SOX5: variants seen among roughly 807,000 people sequenced by gnomAD.
The protein encoded by SOX5 is transcription factor SOX-5.
A neutral mutation model predicts 92.0 loss-of-function variants in SOX5; 9 were observed. That is an observed-to-expected ratio of 0.10 (90% CI 0.06 to 0.17). The LOEUF (loss-of-function observed/expected upper bound fraction) is 0.17. SOX5 is among the 10% of genes least tolerant of loss of function. The pLI is 1.00. For missense variants in SOX5, 642 were observed against 944.5 expected (o/e 0.68, Z 4.20); for synonymous variants, 344 against 336.3 (o/e 1.02, Z -0.25).
chr12:23,654,909 A>G (rs527402968), intron 7 of SOX5, among the ~76,000 whole-genome samples: 119 of 152,210 alleles, frequency 7.8e-4, no homozygotes, highest in African/African-American at 2.7e-3. Context: ...ATAAGACAAT[A>G]TAAGGTAATT....
At chr12:24,453,639 T>C (rs1234359374) in intron 1 of SOX5, among the ~76,000 whole-genome samples, 1 of 152,222 alleles carries the variant, frequency 6.6e-6, no homozygotes, top group Non-Finnish European at 1.5e-5. Context: ...GAAACAATTC[T>C]CTTGCAGGTG....
intron 1 of SOX5, among the ~76,000 whole-genome samples, chr12:24,556,570 G>C (rs1053793957): frequency 1.3e-5 from 2 of 152,126 alleles, no homozygotes; most frequent in African/African-American, 4.8e-5. Context: ...ATAATGCAGA[G>C]GTGAATGACT....
intron 1 of SOX5, among the ~76,000 whole-genome samples, chr12:24,404,762 T>C (rs1017827057): frequency 2.0e-5 from 3 of 152,150 alleles, no homozygotes; most frequent in Non-Finnish European, 4.4e-5. Flanking sequence ...AACCCTGGTG[T>C]TATGGGTTGC....
chr12:24,168,538 T>G (rs1038264384), intron 4 of SOX5, among the ~76,000 whole-genome samples: 2 of 152,174 alleles, frequency 1.3e-5, no homozygotes, highest in Non-Finnish European at 2.9e-5. Context: ...TTTCAAAGCC[T>G]TCTTTTGACA....
intron 8 of SOX5, among the ~76,000 whole-genome samples, chr12:23,616,425 GTGGGAAGGGTT>G (rs2076562723): frequency 6.6e-6 from 1 of 152,232 alleles, no homozygotes; most frequent in African/African-American, 2.4e-5. Context: ...CTAGAGGAAA[GTGGGAAGGGTT>G]GTCACTTAAT....
At chr12:24,209,842 C>A (rs1000308788) in intron 4 of SOX5, among the ~76,000 whole-genome samples, 1 of 150,800 alleles carries the variant, frequency 6.6e-6, no homozygotes, top group African/African-American at 2.4e-5. Flanking sequence ...AACGGTGAAA[C>A]CCCGTCTCTA....
chr12:24,048,242 G>T (rs7132135), intron 4 of SOX5, among the ~76,000 whole-genome samples: 23,075 of 152,020 alleles, frequency 0.15, 2,022 homozygotes, highest in Non-Finnish European at 0.2. Context: ...TTAAGTAACA[G>T]GCCCAAGATC....
intron 3 of SOX5, among the ~76,000 whole-genome samples, chr12:23,817,732 C>T (rs2096023782): frequency 6.6e-6 from 1 of 152,156 alleles, no homozygotes; most frequent in Non-Finnish European, 1.5e-5. Flanking sequence ...ATTATACATT[C>T]GCTTTGGTAT....
At chr12:24,480,772 T>A (rs1476592607) in intron 1 of SOX5, among the ~76,000 whole-genome samples, 1 of 151,678 alleles carries the variant, frequency 6.6e-6, no homozygotes, top group Non-Finnish European at 1.5e-5. Flanking sequence ...CTAGCAAGGA[T>A]TTGGAGTAAA....
intron 3 of SOX5, among the ~76,000 whole-genome samples, chr12:23,820,800 G>C (rs1042479399): frequency 6.6e-6 from 1 of 152,146 alleles, no homozygotes; most frequent in Non-Finnish European, 1.5e-5. Context: ...TTTCATACCA[G>C]TACCGTGGTG....
chr12:24,091,814 T>G (rs1944690216), intron 4 of SOX5, among the ~76,000 whole-genome samples: 1 of 152,216 alleles, frequency 6.6e-6, no homozygotes, highest in Non-Finnish European at 1.5e-5. Context: ...TAGCCATTTC[T>G]ATTTTCTAAC....
chr12:24,284,143 G>A (rs994880404), intron 2 of SOX5, among the ~76,000 whole-genome samples: 1 of 152,216 alleles, frequency 6.6e-6, no homozygotes, highest in Non-Finnish European at 1.5e-5. Context: ...ATCTTTGGGG[G>A]ATTCAGAAAG....
At chr12:23,826,730 C>T (rs527639809) in intron 3 of SOX5, among the ~76,000 whole-genome samples, 70 of 151,972 alleles carry the variant, frequency 4.6e-4, no homozygotes, top group Non-Finnish European at 8.2e-4. Context: ...GAAAACAGAA[C>T]TCCAAATGGG....
At chr12:23,852,976 A>G (rs1348936849) in intron 2 of SOX5, among the ~76,000 whole-genome samples, 1 of 152,014 alleles carries the variant, frequency 6.6e-6, no homozygotes, top group African/African-American at 2.4e-5. Flanking sequence ...GGAATGATTA[A>G]AAGCTGCAGT....
intron 3 of SOX5, among the ~76,000 whole-genome samples, chr12:23,823,640 T>G (rs2142828082): frequency 6.6e-6 from 1 of 152,326 alleles, no homozygotes. Flanking sequence ...TTTCTGTATT[T>G]CCTGAATATG....
intron 1 of SOX5, among the ~76,000 whole-genome samples, chr12:23,925,317 G>C (rs1032075631): frequency 9.2e-5 from 14 of 152,062 alleles, no homozygotes; most frequent in African/African-American, 2.9e-4. Context: ...ATTTTTAGTA[G>C]AGGGCAAGTA....
At chr12:23,760,839 T>C (rs1357090842) in intron 3 of SOX5, among the ~76,000 whole-genome samples, 1 of 152,170 alleles carries the variant, frequency 6.6e-6, no homozygotes, top group Non-Finnish European at 1.5e-5. Context: ...GCAGTAGCTT[T>C]ACACACAAGC....
chr12:23,736,020 T>C (rs2093579301), intron 5 of SOX5, among the ~76,000 whole-genome samples: 1 of 152,184 alleles, frequency 6.6e-6, no homozygotes, highest in Middle Eastern at 3.4e-3. Context: ...TAAGAGTGCA[T>C]GAATAGATGA....
intron 6 of SOX5, among the ~76,000 whole-genome samples, chr12:23,678,129 C>T (rs1456515115): frequency 6.6e-6 from 1 of 152,084 alleles, no homozygotes; most frequent in African/African-American, 2.4e-5. Context: ...GTTTCTTGAG[C>T]TGAAAATGTG....
Sources: gnomAD v4.1 joint callset for allele counts (sites outside exome capture counted in the v4.1 genomes callset) on GRCh38, gnomAD v4.1.1 for gene constraint, MANE v1.5 for transcripts, NCBI Gene and HGNC (gene_info 2026-07-23, HGNC 2026-07-21) for gene names.